Variants in HERC4 observed in about 807,000 individuals in gnomAD.
HERC4 encodes probable E3 ubiquitin-protein ligase HERC4.
In HERC4, 28 loss-of-function variants were observed where a neutral mutation model predicts 124.3. That is an observed-to-expected ratio of 0.23 (90% CI 0.17 to 0.31). The LOEUF is 0.31. Ranked by LOEUF, HERC4 falls within the 10% of genes least tolerant of loss-of-function variation. The pLI is 1.00. For missense variants in HERC4, 713 were observed against 1,229.3 expected (o/e 0.58, Z 6.28); for synonymous variants, 407 against 421.5 (o/e 0.97, Z 0.42).
chr10:68,025,592 C>T lies in HERC4; in HGVS notation c.862G>A (p.Val288Ile), dbSNP rs769369947. ...STSHEINPRK[V>I]FELMGSIVTE... is the part of the protein sequence containing the mutation. ...ACAATGCTTCCCATAAGTTCAAAAA[C>T]TTTCCTTGGGTTTATTTCATGACTG... Residue 288 changes from valine to isoleucine, a missense_variant, in exon 8 of 25, where the codon GTT becomes ATT. Coordinates refer to ENST00000373700, the MANE Select transcript of HERC4 (RefSeq NM_015601.4). 15 of 1,613,796 alleles carry T rather than the reference C, an allele frequency of 9.3e-6. No homozygotes were observed. The highest frequency in any genetic ancestry group is 1.3e-5 in the Non-Finnish European group (15 of 1,179,838).
At position 68,072,863 on chromosome 10, in the gene HERC4, T is replaced by G; in HGVS notation, c.226+20A>C. ...ATATAATTATTAAAAATAGCAAATT[T>G]TAAAAACATTTCAACTTACCTGGTT... On this transcript the variant is annotated intron_variant, in intron 3 of 24. Coordinates refer to ENST00000373700, the MANE Select transcript of HERC4 (RefSeq NM_015601.4). 2 of 1,508,738 alleles carry G rather than the reference T, an allele frequency of 1.3e-6. No homozygotes were observed. The highest frequency in any genetic ancestry group is 1.8e-6 in the Non-Finnish European group (2 of 1,118,242). 93.5% of individuals were successfully genotyped at this position (1,508,738 alleles called of 1,614,324 possible). A position where few individuals can be genotyped will look rare whatever the true frequency, so the allele number is the denominator to read the frequency against.
intron 23 of HERC4, among the ~76,000 whole-genome samples, chr10:67,930,390 T>A (rs1349188882): frequency 6.6e-6 from 1 of 152,190 alleles, no homozygotes; most frequent in East Asian, 1.9e-4. Flanking sequence ...TGAAACTCTG[T>A]CCCCTTGGTT....
intron 7 of HERC4, among the ~76,000 whole-genome samples, chr10:68,026,922 C>A (rs1289955709): frequency 6.6e-6 from 1 of 152,022 alleles, no homozygotes; most frequent in East Asian, 1.9e-4. Context: ...TCGCTTGAAC[C>A]CAGGAGGCAC....
At chr10:67,966,552 T>TATA in intron 16 of HERC4, 131 bp downstream of exon 16, 2 of 776,906 alleles carry the variant, frequency 2.6e-6, no homozygotes, top group Non-Finnish European at 4.1e-6. Context: ...TGCAATGTGT[T>TATA]ATTATTTAAA....
intron 15 of HERC4, among the ~76,000 whole-genome samples, chr10:67,969,429 C>T (rs951589601): frequency 3.3e-5 from 5 of 152,086 alleles, no homozygotes; most frequent in South Asian, 4.1e-4. Flanking sequence ...TCCATAGATG[C>T]CACTGGGTGC....
At chr10:68,046,962 AAAACAAAC>A (rs1019102694) in intron 3 of HERC4, among the ~76,000 whole-genome samples, 5 of 151,162 alleles carry the variant, frequency 3.3e-5, no homozygotes, top group South Asian at 4.2e-4. Context: ...TGTCTCCAGA[AAAACAAAC>A]AAACAAACAA....
At chr10:67,946,146 G>T (rs1372747929) in intron 19 of HERC4, among the ~76,000 whole-genome samples, 1 of 151,640 alleles carries the variant, frequency 6.6e-6, no homozygotes, top group Non-Finnish European at 1.5e-5. Flanking sequence ...CTAGCTGCTT[G>T]GTGGCTGAAG....
rs61755667 is a variant in HERC4, at chr10:67,925,146, C to T, written c.2880G>A (p.Thr960=). ...GAAATACTTCCCAAAAAATTTTTAT[C>T]GTAGGATGTTCTGCCCAATATTCCC... The part of the protein sequence containing the change: ...YKGEYWAEHP[T]IKIFWEVFHE... Residue 960 remains threonine (T), a synonymous_variant, in exon 24 of 25, where the codon ACG becomes ACA. Coordinates refer to ENST00000373700, the MANE Select transcript of HERC4 (RefSeq NM_015601.4). The T allele has an allele frequency of 2.5e-3, 3,980 of 1,605,928 alleles. 11 individuals carry two copies. The highest frequency in any genetic ancestry group is 2.9e-3 in the Admixed American group (174 of 59,902).
intron 19 of HERC4, among the ~76,000 whole-genome samples, chr10:67,947,191 C>A (rs80123155): frequency 2.0e-5 from 3 of 152,160 alleles, no homozygotes; most frequent in African/African-American, 4.8e-5. Context: ...CTACAACATA[C>A]GGATGGACCA....
intron 22 of HERC4, among the ~76,000 whole-genome samples, chr10:67,935,185 G>A (rs1367041832): frequency 4.7e-5 from 7 of 147,868 alleles, no homozygotes; most frequent in African/African-American, 1.8e-4. Flanking sequence ...TCGCTCTGTC[G>A]CCCAGGCTGG....
chr10:68,062,525 G>A (rs951416890), intron 3 of HERC4, among the ~76,000 whole-genome samples: 9 of 151,974 alleles, frequency 5.9e-5, no homozygotes, highest in African/African-American at 1.5e-4. Context: ...GAGCCAAGGC[G>A]GGCAGATCAC....
intron 15 of HERC4, among the ~76,000 whole-genome samples, chr10:67,980,265 C>T (rs2035850702): frequency 1.3e-5 from 2 of 152,082 alleles, no homozygotes; most frequent in African/African-American, 2.4e-5. Context: ...TCCCAAGTAG[C>T]TGGGATTACA....
intron 8 of HERC4, among the ~76,000 whole-genome samples, chr10:68,022,735 T>C (rs1372581584): frequency 6.6e-6 from 1 of 151,824 alleles, no homozygotes; most frequent in Non-Finnish European, 1.5e-5. Flanking sequence ...CAAAAGACAC[T>C]ATCTATAGAA....
chr10:68,032,613 A>C (rs1194323671), intron 7 of HERC4, among the ~76,000 whole-genome samples, 165 bp downstream of exon 7: 2 of 152,224 alleles, frequency 1.3e-5, no homozygotes, highest in Non-Finnish European at 2.9e-5. Flanking sequence ...TTGAAAAATA[A>C]GGTAAATTTT....
chr10:67,946,322 C>A (rs950030125), intron 19 of HERC4, among the ~76,000 whole-genome samples: 2 of 148,232 alleles, frequency 1.3e-5, no homozygotes, highest in African/African-American at 5.0e-5. Context: ...TCAAAAGACA[C>A]AGACTAGGTA....
Position 68,069,218 on chromosome 10 carries a change from AAAC to A in HERC4, c.226+3662_226+3664del, listed in dbSNP as rs942361536. On this transcript the variant is annotated intron_variant, in intron 3 of 24. Transcript: ENST00000373700. The stretch of plus-strand genomic sequence containing the variant: ...CAGAACTGAATTTGAAAGTATAAAA[AAAC>A]AACAATTCATTTAAATGGATTGGTC... The A allele has an allele frequency of 5.9e-5, 57 of 960,500 alleles. No individual in the cohort carries two copies. The African/African-American group carries it at 7.1e-4, about 12-fold the overall frequency. 59.5% of individuals were successfully genotyped at this position (960,500 alleles called of 1,614,324 possible).
At chr10:67,949,810 T>C (rs990600757) in intron 19 of HERC4, among the ~76,000 whole-genome samples, 1 of 152,004 alleles carries the variant, frequency 6.6e-6, no homozygotes, top group Non-Finnish European at 1.5e-5. Context: ...TTGAGGTCAG[T>C]AGTTTGAGAC....
chr10:68,029,128 T>C (rs2039057845), intron 7 of HERC4, among the ~76,000 whole-genome samples: 1 of 152,158 alleles, frequency 6.6e-6, no homozygotes, highest in South Asian at 2.1e-4. Flanking sequence ...CAGTGCACTA[T>C]GACTGTGCCA....
In HERC4 at chr10:67,990,283, T is replaced by G; in HGVS notation, c.1561A>C (p.Asn521His). 1.2e-6 allele frequency: 2 copies of G among 1,613,096 alleles called. No individual in the cohort carries two copies. The highest frequency in any genetic ancestry group is 1.7e-6 in the Non-Finnish European group (2 of 1,179,468). Residue 521 changes from asparagine (N) to histidine (H), a missense_variant, in exon 14 of 25, where the codon AAT becomes CAT. Coordinates refer to ENST00000373700, the MANE Select transcript of HERC4 (RefSeq NM_015601.4). ...PECPLMSDSNNFTTIAIPFGT... is the reference protein window; with the variant it reads ...PECPLMSDSNHFTTIAIPFGT... ...AAGGGAATTGCTATTGTTGTGAAAT[T>G]GTTGGAATCACTCATCAGGGGACAT...
Sources: gnomAD v4.1 joint callset for allele counts (sites outside exome capture counted in the v4.1 genomes callset) on GRCh38, gnomAD v4.1.1 for gene constraint, MANE v1.5 for transcripts, NCBI Gene and HGNC (gene_info 2026-07-23, HGNC 2026-07-21) for gene names.